Variants in SHISAL2B observed in about 807,000 individuals in gnomAD.
SHISAL2B encodes the protein protein shisa-like-2B.
Under a neutral mutation model 16.5 loss-of-function variants are expected in SHISAL2B, and 12 were observed. The ratio of observed to expected loss-of-function variants is 0.73; its 90% CI spans 0.47 to 1.18. SHISAL2B has a LOEUF of 1.18. Ranked by LOEUF, SHISAL2B falls within the 50% of genes most tolerant of loss-of-function variation. SHISAL2B has a pLI of 0.00. For missense variants in SHISAL2B, 183 were observed against 193.6 expected (o/e 0.95, Z 0.33); for synonymous variants, 72 against 75.0 (o/e 0.96, Z 0.21).
chr5:64,715,478 C>G (rs1742036224), intron 2 of SHISAL2B, among the ~76,000 whole-genome samples: 1 of 151,906 alleles, frequency 6.6e-6, no homozygotes, highest in South Asian at 2.1e-4. Flanking sequence ...ATTAGAGACA[C>G]TAGGCAGCTG....
chr5:64,697,180 A>G (rs1741750137), intron 2 of SHISAL2B, among the ~76,000 whole-genome samples: 1 of 152,254 alleles, frequency 6.6e-6, no homozygotes, highest in Non-Finnish European at 1.5e-5. Flanking sequence ...TCAAATAAAT[A>G]GAGGAACCAA....
chr5:64,705,593 A>G (rs1487413894), intron 2 of SHISAL2B, among the ~76,000 whole-genome samples: 1 of 152,228 alleles, frequency 6.6e-6, no homozygotes, highest in Non-Finnish European at 1.5e-5. Context: ...TAAATCTTTG[A>G]TCTTTTATCT....
intron 2 of SHISAL2B, among the ~76,000 whole-genome samples, chr5:64,697,705 G>A (rs1309895884): frequency 6.6e-6 from 1 of 152,058 alleles, no homozygotes; most frequent in African/African-American, 2.4e-5. Context: ...ATTTATGTAT[G>A]TATTTAGAAT....
intron 1 of SHISAL2B, chr5:64,691,097 C>T: frequency 5.6e-6 from 2 of 354,042 alleles, no homozygotes; most frequent in Non-Finnish European, 1.0e-5. Flanking sequence ...CTGGCTGGCC[C>T]CGCTGAGTTC....
chr5:64,696,169 T>C (rs1205817358), intron 2 of SHISAL2B, among the ~76,000 whole-genome samples: 1 of 152,230 alleles, frequency 6.6e-6, no homozygotes, highest in Non-Finnish European at 1.5e-5. Context: ...GAACATAAAT[T>C]GTGAAGATTT....
At position 64,717,953 on chromosome 5, in the gene SHISAL2B, A is replaced by G; in HGVS notation, c.414A>G (p.Thr138=). The change falls in exon 3 of 3, where the codon ACA becomes ACG. Residue 138 remains threonine, a synonymous_variant. Transcript: ENST00000389074. ...SNAASNATNE[T]YYEADDIIQE... Reference sequence around the variant, plus strand: ...CAGCATCAAATGCAACAAATGAAACATACTATGAAGCTGATGATATAATTC... The same window carrying G: ...CAGCATCAAATGCAACAAATGAAACGTACTATGAAGCTGATGATATAATTC... The G allele has an allele frequency of 6.6e-7, 1 of 1,524,466 alleles. No homozygotes were observed. The highest frequency in any genetic ancestry group is 2.5e-5 in the East Asian group (1 of 40,370). 94.4% of individuals were successfully genotyped at this position (1,524,466 alleles called of 1,614,324 possible).
chr5:64,715,137 G>A (rs1397037441), intron 2 of SHISAL2B, among the ~76,000 whole-genome samples: 3 of 152,120 alleles, frequency 2.0e-5, no homozygotes, highest in Non-Finnish European at 4.4e-5. Flanking sequence ...CCCAGAGTGA[G>A]GGATGTCCTG....
chr5:64,693,108 C>A (rs1007653067), intron 1 of SHISAL2B, among the ~76,000 whole-genome samples: 12 of 151,968 alleles, frequency 7.9e-5, no homozygotes, highest in African/African-American at 2.7e-4. Context: ...TCCGGGTTCA[C>A]GCCATTCTCC....
At chr5:64,704,767 A>G (rs1401476141) in intron 2 of SHISAL2B, among the ~76,000 whole-genome samples, 1 of 151,174 alleles carries the variant, frequency 6.6e-6, no homozygotes, top group Non-Finnish European at 1.5e-5. Context: ...CTATTTATTA[A>G]AAAAAAAACA....
intron 2 of SHISAL2B, among the ~76,000 whole-genome samples, chr5:64,697,893 G>A (rs1391569251): frequency 2.0e-5 from 3 of 152,158 alleles, no homozygotes; most frequent in African/African-American, 7.2e-5. Context: ...GATTGCATTA[G>A]CTCTCATTTC....
chr5:64,693,347 C>T (rs1561373344), intron 1 of SHISAL2B, among the ~76,000 whole-genome samples: 1 of 152,140 alleles, frequency 6.6e-6, no homozygotes, highest in African/African-American at 2.4e-5. Flanking sequence ...GACATTGAAA[C>T]TGTTTGTCAG....
intron 2 of SHISAL2B, among the ~76,000 whole-genome samples, chr5:64,715,495 G>T (rs1046174087): frequency 1.3e-5 from 2 of 152,092 alleles, no homozygotes; most frequent in African/African-American, 4.8e-5. Context: ...GCTGGAAGAG[G>T]CTTGGGGCAG....
At chr5:64,701,157 A>G (rs1421933865) in intron 2 of SHISAL2B, among the ~76,000 whole-genome samples, 1 of 152,130 alleles carries the variant, frequency 6.6e-6, no homozygotes, top group Non-Finnish European at 1.5e-5. Context: ...TAATTACAAG[A>G]AAAAAAGTCT....
intron 2 of SHISAL2B, among the ~76,000 whole-genome samples, chr5:64,695,903 GTAAATCTGCTT>G (rs1237378195): frequency 1.3e-5 from 2 of 152,186 alleles, no homozygotes; most frequent in African/African-American, 2.4e-5. Flanking sequence ...CATTGGTTCA[GTAAATCTGCTT>G]TAAATATATT....
intron 2 of SHISAL2B, among the ~76,000 whole-genome samples, chr5:64,709,076 G>C (rs1741914075): frequency 7.0e-6 from 1 of 142,640 alleles, no homozygotes; most frequent in Non-Finnish European, 1.5e-5. Context: ...TAGGGTACAT[G>C]TGCACATTGT....
intron 1 of SHISAL2B, among the ~76,000 whole-genome samples, chr5:64,694,420 A>G (rs1741698943): frequency 2.6e-5 from 4 of 152,360 alleles, no homozygotes; most frequent in African/African-American, 7.2e-5. Context: ...ATGTTAGCAT[A>G]TTAGTCTTTC....
chr5:64,702,066 T>G (rs2112062766), intron 2 of SHISAL2B, among the ~76,000 whole-genome samples: 1 of 152,274 alleles, frequency 6.6e-6, no homozygotes, highest in East Asian at 1.9e-4. Context: ...ACTTAGAAAG[T>G]TTTCCCCTCA....
chr5:64,691,590 T>C (rs1462870600), intron 1 of SHISAL2B: 2 of 152,186 alleles, frequency 1.3e-5, no homozygotes, highest in African/African-American at 4.8e-5. Context: ...ATTGCTGGAA[T>C]GTGAAGAGAC....
intron 2 of SHISAL2B, among the ~76,000 whole-genome samples, chr5:64,709,936 GC>G (rs1222499031): frequency 2.1e-4 from 32 of 150,606 alleles, no homozygotes; most frequent in African/African-American, 7.6e-4. Flanking sequence ...CTGGATATTA[GC>G]CCTTTGTCAG....
Sources: allele counts gnomAD v4.1 joint callset (sites outside exome capture counted in the v4.1 genomes callset), GRCh38; gene constraint gnomAD v4.1.1; transcripts MANE v1.5; gene names NCBI Gene and HGNC (gene_info 2026-07-23, HGNC 2026-07-21).